Variants in ERC2 observed in about 807,000 individuals in gnomAD.
The protein encoded by ERC2 is ELKS/RAB6-interacting/CAST family member 2.
A neutral mutation model predicts 114.8 loss-of-function variants in ERC2; 42 were observed. The observed-to-expected ratio is 0.37, with a 90% CI of 0.29 to 0.47. The LOEUF (loss-of-function observed/expected upper bound fraction) is 0.47, where lower values mean the gene tolerates loss of function less well. Ranked by LOEUF, ERC2 falls within the 20% of genes least tolerant of loss-of-function variation. The probability of loss-of-function intolerance (pLI) is 0.99; values close to 1 mark genes in which losing one functional copy is unlikely to be tolerated. For missense variants in ERC2, 939 were observed against 1,150.7 expected (o/e 0.82, Z 2.66); for synonymous variants, 454 against 425.5 (o/e 1.07, Z -0.82).
At chr3:55,613,970 G>A (rs2148575385) in intron 17 of ERC2, among the ~76,000 whole-genome samples, 1 of 108,902 alleles carries the variant, frequency 9.2e-6, no homozygotes, top group South Asian at 3.5e-4. Context: ...GAGACAGAGT[G>A]AGACTTCCTC....
intron 3 of ERC2, among the ~76,000 whole-genome samples, chr3:56,213,915 A>C (rs1489233507): frequency 6.6e-6 from 1 of 152,192 alleles, no homozygotes; most frequent in Admixed American, 6.5e-5. Context: ...GACCTCCAGC[A>C]AACTCCAACA....
In ERC2 at chr3:56,080,847, C is replaced by T. The variant is rs868207923; in HGVS notation, c.1611G>A (p.Lys537=). 6.2e-7 allele frequency: 1 copy of T among 1,613,292 alleles called. No homozygotes were observed. The highest frequency in any genetic ancestry group is 1.3e-5 in the African/African-American group (1 of 74,882). ...IRDMKDMLEV[K]ERKINVLQKK... is the part of the protein sequence containing the mutation. ...TCTGAAGAACATTGATTTTTCTTTC[C>T]TTCACTTCTAACATATCTTTCATGT... The change falls in exon 7 of 18, where the codon AAG becomes AAA. Residue 537 remains lysine (K), a synonymous_variant. Transcript: ENST00000288221.
intron 13 of ERC2, among the ~76,000 whole-genome samples, chr3:55,936,915 C>G (rs2066478473): frequency 6.6e-6 from 1 of 152,202 alleles, no homozygotes; most frequent in Admixed American, 6.5e-5. Context: ...CCACACAACA[C>G]TAGGAGGCAA....
chr3:55,734,934 T>A lies in ERC2; in HGVS notation c.2565-16A>T. 1 of 1,531,178 alleles carries A rather than the reference T, an allele frequency of 6.5e-7. No homozygotes were observed. The highest frequency in any genetic ancestry group is 8.8e-7 in the Non-Finnish European group (1 of 1,141,952). 94.8% of individuals were successfully genotyped at this position (1,531,178 alleles called of 1,614,324 possible). A position where few individuals can be genotyped will look rare whatever the true frequency, so the allele number is the denominator to read the frequency against. On this transcript the variant is annotated splice_polypyrimidine_tract_variant and intron_variant, in intron 14 of 17. Coordinates refer to ENST00000288221, the MANE Select transcript of ERC2 (RefSeq NM_015576.3). ...TGCTTCCTGTCTGGTAAAATAAAGA[T>A]TATTGAGATCATTTTTGTAAAATAA...
intron 2 of ERC2, among the ~76,000 whole-genome samples, chr3:56,388,114 G>T (rs894534599): frequency 2.0e-5 from 3 of 151,958 alleles, no homozygotes; most frequent in Non-Finnish European, 2.9e-5. Context: ...ACCAACATGG[G>T]CTAAGGACTA....
At position 55,563,756 on chromosome 3, in the gene ERC2, G is replaced by T. The variant is rs59092529; in HGVS notation, c.*40-52480C>A. 5.3e-5 allele frequency among the ~76,000 whole-genome samples: 8 copies of T among 152,248 alleles called. No homozygotes were observed. In the East Asian group the frequency reaches 1.5e-3, roughly 29 times the overall value. On this transcript the variant is annotated intron_variant, in intron 17 of 17. Coordinates refer to ENST00000288221, the MANE Select transcript of ERC2 (RefSeq NM_015576.3). ...AGAGAGATGAATGCAACAGGGGTGG[G>T]AGAGATGGAAAGATAGAGAGATAGA...
intron 5 of ERC2, among the ~76,000 whole-genome samples, chr3:56,142,548 C>G (rs554415394): frequency 6.6e-6 from 1 of 152,044 alleles, no homozygotes; most frequent in African/African-American, 2.4e-5. Flanking sequence ...TAATTTTCAG[C>G]CTTGTTTCAT....
At chr3:56,149,919 A>G (rs547148994) in intron 4 of ERC2, among the ~76,000 whole-genome samples, 1 of 152,296 alleles carries the variant, frequency 6.6e-6, no homozygotes, top group Admixed American at 6.5e-5. Context: ...ATTAGAAACA[A>G]TGCATTAGAA....
At chr3:55,905,053 C>A (rs897447279) in intron 13 of ERC2, among the ~76,000 whole-genome samples, 1 of 152,182 alleles carries the variant, frequency 6.6e-6, no homozygotes, top group Non-Finnish European at 1.5e-5. Context: ...AGACAAATCA[C>A]CAAGCTTGTT....
rs571122314 is a variant in ERC2, at chr3:55,752,601, A to G, written c.2565-17683T>C. Among the ~76,000 whole-genome samples the G allele has an allele frequency of 4.3e-4, 65 of 152,306 alleles. No homozygotes were observed. The South Asian group carries it at 1.0e-2, about 23-fold the overall frequency. ...CATTTTCTGTGCCAAAGACTATACC[A>G]TTCTAAGTCCTTTATGTGTACTAAC... On this transcript the variant is annotated intron_variant, in intron 14 of 17. Transcript: ENST00000288221.
intron 10 of ERC2, among the ~76,000 whole-genome samples, chr3:56,002,793 G>A (rs116713455): frequency 2.2e-3 from 341 of 152,234 alleles, no homozygotes; most frequent in African/African-American, 7.9e-3. Flanking sequence ...TGTGTTTGAA[G>A]GATTTAAGGA....
intron 17 of ERC2, among the ~76,000 whole-genome samples, chr3:55,543,418 T>A (rs1374628715): frequency 6.6e-6 from 1 of 152,118 alleles, no homozygotes; most frequent in East Asian, 1.9e-4. Flanking sequence ...ACGTGGGGGA[T>A]GTTCTCATAA....
rs2060965984 is a variant in ERC2, at chr3:55,837,850, A to G, written c.2564+50539T>C. ...CCACTTCAAATATAAAGATATACACAGATTAAATGTAATAAAAATGGGAAA... is the reference window on the plus strand; with the variant it reads ...CCACTTCAAATATAAAGATATACACGGATTAAATGTAATAAAAATGGGAAA... On this transcript the variant is annotated intron_variant, in intron 14 of 17. Transcript: ENST00000288221. 2.6e-5 allele frequency among the ~76,000 whole-genome samples: 4 copies of G among 151,742 alleles called. No homozygotes were observed. In the South Asian group the frequency reaches 8.4e-4, roughly 32 times the overall value.
At chr3:55,609,239 C>T (rs982611384) in intron 17 of ERC2, among the ~76,000 whole-genome samples, 5 of 152,164 alleles carry the variant, frequency 3.3e-5, no homozygotes, top group Non-Finnish European at 7.3e-5. Context: ...ACATTTGCCC[C>T]CACTTTTATT....
At chr3:55,582,810 C>T (rs939948300) in intron 17 of ERC2, among the ~76,000 whole-genome samples, 1 of 152,210 alleles carries the variant, frequency 6.6e-6, no homozygotes, top group Non-Finnish European at 1.5e-5. Flanking sequence ...CTTGGCAGGT[C>T]ATCTAGCATT....
At chr3:56,123,289 T>C (rs560709548) in intron 6 of ERC2, among the ~76,000 whole-genome samples, 1 of 152,218 alleles carries the variant, frequency 6.6e-6, no homozygotes, top group South Asian at 2.1e-4. Context: ...CTGGGATTCA[T>C]ACTCTTGCAA....
At chr3:56,369,869 G>T (rs554740844) in intron 2 of ERC2, among the ~76,000 whole-genome samples, 2 of 152,132 alleles carry the variant, frequency 1.3e-5, no homozygotes, top group African/African-American at 4.8e-5. Flanking sequence ...TAGAGACGGG[G>T]TTTCACCATT....
chr3:56,299,730 G>A (rs142374320), intron 2 of ERC2, among the ~76,000 whole-genome samples: 11 of 152,232 alleles, frequency 7.2e-5, no homozygotes, highest in Non-Finnish European at 1.3e-4. Context: ...GTGTCCGGCC[G>A]TCATTTAAAT....
intron 2 of ERC2, among the ~76,000 whole-genome samples, chr3:56,304,301 A>G (rs923588826): frequency 6.6e-6 from 1 of 152,218 alleles, no homozygotes; most frequent in Non-Finnish European, 1.5e-5. Context: ...AAAAGGTGAT[A>G]TGAAAATACT....
Sources: gnomAD v4.1 joint callset for allele counts (sites outside exome capture counted in the v4.1 genomes callset) on GRCh38, gnomAD v4.1.1 for gene constraint, MANE v1.5 for transcripts, NCBI Gene and HGNC (gene_info 2026-07-23, HGNC 2026-07-21) for gene names.